CTTNBP2NL: variants seen among roughly 807,000 people sequenced by gnomAD.
The protein encoded by CTTNBP2NL is CTTNBP2 N-terminal-like protein.
CTTNBP2NL carries 16 observed loss-of-function variants against 32.5 expected under a neutral mutation model. The ratio of observed to expected loss-of-function variants is 0.49; its 90% CI spans 0.33 to 0.75. The LOEUF (loss-of-function observed/expected upper bound fraction) is 0.75, where lower values mean the gene tolerates loss of function less well. Ranked by LOEUF, CTTNBP2NL falls within the 30% of genes least tolerant of loss-of-function variation. The probability of loss-of-function intolerance (pLI) is 0.02; values close to 1 mark genes in which losing one functional copy is unlikely to be tolerated. For missense variants in CTTNBP2NL, 645 were observed against 756.0 expected, an observed-to-expected ratio of 0.85 and a Z score of 1.72; for synonymous variants, 298 against 289.4, an observed-to-expected ratio of 1.03 and a Z score of -0.30.
At chr1:112,399,318 C>CAAAAAAA (rs72332884) in intron 1 of CTTNBP2NL, among the ~76,000 whole-genome samples, 7 of 77,948 alleles carry the variant, frequency 9.0e-5, no homozygotes, top group Non-Finnish European at 1.3e-4. Flanking sequence ...GACTCTGTCT[C>CAAAAAAA]AAAAAAAAAA....
At chr1:112,425,036 T>C (rs1171665047) in intron 3 of CTTNBP2NL, among the ~76,000 whole-genome samples, 2 of 150,914 alleles carry the variant, frequency 1.3e-5, no homozygotes, top group Admixed American at 6.6e-5. Context: ...GTTGCCCAGG[T>C]TGGTCTCGAA....
chr1:112,418,016 T>C (rs1041474079), intron 3 of CTTNBP2NL, among the ~76,000 whole-genome samples: 2 of 152,220 alleles, frequency 1.3e-5, no homozygotes, highest in Admixed American at 6.5e-5. Context: ...GAAAAGGTTT[T>C]GGTCTTTGTT....
chr1:112,407,701 T>C (rs970521892), intron 1 of CTTNBP2NL, among the ~76,000 whole-genome samples: 1 of 152,168 alleles, frequency 6.6e-6, no homozygotes, highest in Non-Finnish European at 1.5e-5. Flanking sequence ...TCCAGTAATA[T>C]CTTTCACCTT....
chr1:112,450,589 G>A (rs1204507561), intron 4 of CTTNBP2NL, among the ~76,000 whole-genome samples: 2 of 152,130 alleles, frequency 1.3e-5, no homozygotes, highest in African/African-American at 2.4e-5. Flanking sequence ...ACTGAGTTGT[G>A]TTGAAGCTAG....
At chr1:112,427,060 T>C (rs1649426902) in intron 3 of CTTNBP2NL, among the ~76,000 whole-genome samples, 1 of 152,234 alleles carries the variant, frequency 6.6e-6, no homozygotes, top group Non-Finnish European at 1.5e-5. Flanking sequence ...ATGATCATTT[T>C]TCCAAAGACA....
At chr1:112,411,305 T>A (rs1233732559) in intron 1 of CTTNBP2NL, among the ~76,000 whole-genome samples, 1 of 152,204 alleles carries the variant, frequency 6.6e-6, no homozygotes. Context: ...TGCCTTAAAA[T>A]AAAAGGCAAA....
chr1:112,448,817 C>A (rs1230410423), intron 3 of CTTNBP2NL, 125 bp from the exon 4 acceptor site: 1 of 623,926 alleles, frequency 1.6e-6, no homozygotes, highest in African/African-American at 1.8e-5. Context: ...CTCAATCTGA[C>A]TTGTAATTAG....
intron 3 of CTTNBP2NL, among the ~76,000 whole-genome samples, chr1:112,446,676 A>T (rs955437226): frequency 1.3e-5 from 2 of 152,130 alleles, no homozygotes; most frequent in African/African-American, 4.8e-5. Context: ...TCAGCCTCCC[A>T]AGTAGCTGGG....
intron 3 of CTTNBP2NL, among the ~76,000 whole-genome samples, chr1:112,443,707 C>T (rs903200756): frequency 2.6e-5 from 4 of 152,138 alleles, no homozygotes; most frequent in African/African-American, 9.7e-5. Flanking sequence ...AATTTTTGTA[C>T]TATTTTCCAA....
chr1:112,438,870 A>G (rs528905841), intron 3 of CTTNBP2NL, among the ~76,000 whole-genome samples: 2 of 152,354 alleles, frequency 1.3e-5, no homozygotes, highest in African/African-American at 2.4e-5. Context: ...ACACCCTGCA[A>G]TGCAATGATA....
intron 3 of CTTNBP2NL, among the ~76,000 whole-genome samples, chr1:112,428,273 T>A (rs1649462527): frequency 6.6e-6 from 1 of 152,200 alleles, no homozygotes; most frequent in Non-Finnish European, 1.5e-5. Flanking sequence ...TTGATTTTTT[T>A]AAGTAACAAT....
chr1:112,411,276 A>G (rs1648855651), intron 1 of CTTNBP2NL, among the ~76,000 whole-genome samples: 1 of 152,322 alleles, frequency 6.6e-6, no homozygotes, highest in Non-Finnish European at 1.5e-5. Flanking sequence ...CAGCAACTCA[A>G]ATGGGCTTTC....
At chr1:112,397,509 G>C (rs1648365331) in intron 1 of CTTNBP2NL, among the ~76,000 whole-genome samples, 1 of 152,110 alleles carries the variant, frequency 6.6e-6, no homozygotes, top group Non-Finnish European at 1.5e-5. Flanking sequence ...TGAAAAGTAA[G>C]AACAATTTTT....
chr1:112,414,540 C>T lies in CTTNBP2NL; in HGVS notation c.-9-1617C>T, dbSNP rs533745214. Among the ~76,000 whole-genome samples, 7 of 151,972 alleles carry T rather than the reference C, an allele frequency of 4.6e-5. No individual in the cohort carries two copies. The East Asian group carries it at 1.4e-3, about 29-fold the overall frequency. ...AGGAATCAATTCTTTTTTTGTGTGC[C>T]CCCCAAAATTAAAAAGAGTGATAAA... On this transcript the variant is annotated intron_variant, in intron 2 of 5. Transcript: ENST00000271277.
chr1:112,454,237 AAAGT>A (rs1650304686), intron 4 of CTTNBP2NL, among the ~76,000 whole-genome samples: 2 of 152,340 alleles, frequency 1.3e-5, no homozygotes, highest in South Asian at 2.1e-4. Context: ...TACTTCAAGT[AAAGT>A]AAGTATCTTA....
intron 3 of CTTNBP2NL, among the ~76,000 whole-genome samples, chr1:112,430,531 C>T (rs1649539929): frequency 6.8e-6 from 1 of 148,074 alleles, no homozygotes; most frequent in Non-Finnish European, 1.5e-5. Context: ...AGCCACCGCA[C>T]CAGGCCATAG....
At chr1:112,417,446 A>C (rs1019659733) in intron 3 of CTTNBP2NL, among the ~76,000 whole-genome samples, 3 of 152,192 alleles carry the variant, frequency 2.0e-5, no homozygotes, top group African/African-American at 7.2e-5. Context: ...AGATGCTTAG[A>C]TGCTTTTTGC....
intron 5 of CTTNBP2NL, among the ~76,000 whole-genome samples, chr1:112,454,964 TACAC>T (rs1288242039): frequency 6.6e-6 from 1 of 152,182 alleles, no homozygotes; most frequent in Non-Finnish European, 1.5e-5. Context: ...TATGTAGACA[TACAC>T]AGTTACGCCT....
intron 3 of CTTNBP2NL, among the ~76,000 whole-genome samples, chr1:112,441,478 G>A (rs551012189): frequency 4.7e-4 from 71 of 151,976 alleles, no homozygotes; most frequent in Non-Finnish European, 7.2e-4. Flanking sequence ...TTCTAGTTTG[G>A]GGCTATTACG....
Sources: allele counts gnomAD v4.1 joint callset (sites outside exome capture counted in the v4.1 genomes callset), GRCh38; gene constraint gnomAD v4.1.1; transcripts MANE v1.5; gene names NCBI Gene and HGNC (gene_info 2026-07-23, HGNC 2026-07-21).